GDPD5: variants seen among roughly 807,000 people sequenced by gnomAD.
GDPD5 encodes glycerophosphodiester phosphodiesterase 2.
A neutral mutation model predicts 75.1 loss-of-function variants in GDPD5; 48 were observed. The ratio of observed to expected loss-of-function variants is 0.64; its 90% CI spans 0.51 to 0.81. The LOEUF (loss-of-function observed/expected upper bound fraction) is 0.81, where lower values mean the gene tolerates loss of function less well. Among genes scored for constraint, GDPD5 ranks in the 40% least tolerant of loss-of-function variants. GDPD5 has a pLI of 0.00. For missense variants in GDPD5, 706 were observed against 822.6 expected (o/e 0.86, Z 1.73); for synonymous variants, 336 against 339.0 (o/e 0.99, Z 0.10).
chr11:75,448,862 T>TCC, intron 9 of GDPD5, 115 bp downstream of exon 9: 1 of 1,292,000 alleles, frequency 7.7e-7, no homozygotes, highest in South Asian at 1.8e-5. Flanking sequence ...CCCATGTACC[T>TCC]CCCCTCAAAA....
chr11:75,475,752 G>A (rs895168417), intron 3 of GDPD5, among the ~76,000 whole-genome samples: 1 of 152,164 alleles, frequency 6.6e-6, no homozygotes. Flanking sequence ...GCCACCCAGA[G>A]CTGCTGTAAA....
chr11:75,493,835 C>T (rs182194704), intron 1 of GDPD5, among the ~76,000 whole-genome samples: 1 of 152,282 alleles, frequency 6.6e-6, no homozygotes, highest in East Asian at 1.9e-4. Flanking sequence ...TTTCTTCCTG[C>T]TCCAATTTGT....
rs115439699 is a variant in GDPD5, at chr11:75,500,913, T to C, written c.-144-10593A>G. Among the ~76,000 whole-genome samples the C allele has an allele frequency of 6.1e-3, 932 of 152,208 alleles. 13 individuals are homozygous for C. Among genetic ancestry groups the C allele is most frequent in the African/African-American group, 0.022 (896 of 41,528 alleles). Reference sequence around the variant, plus strand: ...GTAGTCACCACTCAAACTCCTCCTGTAGGAAGCCCTCCCTGACTCTCCAGC... The same window carrying C: ...GTAGTCACCACTCAAACTCCTCCTGCAGGAAGCCCTCCCTGACTCTCCAGC... On this transcript the variant is annotated intron_variant, in intron 1 of 16. Coordinates refer to ENST00000336898, the MANE Select transcript of GDPD5 (RefSeq NM_030792.8).
intron 1 of GDPD5, among the ~76,000 whole-genome samples, chr11:75,505,796 C>T (rs1244579207): frequency 6.6e-6 from 1 of 152,216 alleles, no homozygotes; most frequent in Non-Finnish European, 1.5e-5. Context: ...TAATTCCTCC[C>T]TCAGTCCAGA....
chr11:75,467,751 C>G (rs1262813394), intron 3 of GDPD5, among the ~76,000 whole-genome samples: 2 of 152,016 alleles, frequency 1.3e-5, no homozygotes, highest in Non-Finnish European at 2.9e-5. Flanking sequence ...GATGGAGAAT[C>G]CTGGAGGCTC....
intron 1 of GDPD5, among the ~76,000 whole-genome samples, chr11:75,523,006 C>A (rs766348475): frequency 5.3e-5 from 8 of 152,162 alleles, no homozygotes; most frequent in Non-Finnish European, 8.8e-5. Flanking sequence ...ATTCAGGTCT[C>A]TGAGCCTGCC....
intron 1 of GDPD5, among the ~76,000 whole-genome samples, chr11:75,503,202 T>C (rs1950328903): frequency 1.3e-5 from 2 of 152,110 alleles, no homozygotes; most frequent in African/African-American, 4.8e-5. Context: ...GTATTTTTAA[T>C]AGAGATGGGG....
chr11:75,525,178 G>A (rs924390605), intron 1 of GDPD5, 32 bp downstream of exon 1: 1 of 152,542 alleles, frequency 6.6e-6, no homozygotes, highest in African/African-American at 2.4e-5. Flanking sequence ...TGGGGTCGGG[G>A]ACCGCTCCTG....
chr11:75,461,372 G>A (rs971764697), intron 4 of GDPD5, among the ~76,000 whole-genome samples: 6 of 152,162 alleles, frequency 3.9e-5, no homozygotes, highest in South Asian at 2.1e-4. Flanking sequence ...CCAGGGCTCC[G>A]GCTCATCTTG....
intron 1 of GDPD5, among the ~76,000 whole-genome samples, chr11:75,509,184 TG>T (rs1950464138): frequency 6.6e-6 from 1 of 152,008 alleles, no homozygotes; most frequent in South Asian, 2.1e-4. Flanking sequence ...AAGTTGGGTG[TG>T]GGGGGTGTTC....
chr11:75,510,383 C>G (rs1950489569), intron 1 of GDPD5, among the ~76,000 whole-genome samples: 1 of 152,244 alleles, frequency 6.6e-6, no homozygotes, highest in East Asian at 1.9e-4. Context: ...ACCCACTGGG[C>G]ACCAGCCAGG....
At chr11:75,493,186 C>A (rs1452054255) in intron 1 of GDPD5, among the ~76,000 whole-genome samples, 1 of 151,180 alleles carries the variant, frequency 6.6e-6, no homozygotes, top group Admixed American at 6.6e-5. Context: ...GAAGACCCAC[C>A]CCCCGAACAC....
At chr11:75,457,607 G>A in intron 5 of GDPD5, 86 bp downstream of exon 5, 1 of 1,032,100 alleles carries the variant, frequency 9.7e-7, no homozygotes, top group Non-Finnish European at 1.5e-6. Context: ...TTATACCAGG[G>A]TGGGACCCTC....
chr11:75,521,666 G>A (rs933748664), intron 1 of GDPD5, among the ~76,000 whole-genome samples: 2 of 152,224 alleles, frequency 1.3e-5, no homozygotes, highest in African/African-American at 4.8e-5. Flanking sequence ...GAATGTTAAA[G>A]ATTCAGAGGG....
chr11:75,482,655 C>T (rs1282611031), intron 2 of GDPD5, among the ~76,000 whole-genome samples: 1 of 152,236 alleles, frequency 6.6e-6, no homozygotes, highest in Non-Finnish European at 1.5e-5. Flanking sequence ...AACTTCCTAA[C>T]AGGCAGTGAC....
intron 2 of GDPD5, among the ~76,000 whole-genome samples, chr11:75,482,036 G>A (rs1949929717): frequency 1.3e-5 from 2 of 152,190 alleles, no homozygotes; most frequent in South Asian, 2.1e-4. Context: ...GTGGGAGCCC[G>A]CCCCAGGTTC....
chr11:75,520,070 A>G (rs1363610294), intron 1 of GDPD5, among the ~76,000 whole-genome samples: 2 of 152,192 alleles, frequency 1.3e-5, no homozygotes, highest in Admixed American at 6.5e-5. Flanking sequence ...CCAGGCCAAC[A>G]GCACCTGCTT....
At chr11:75,442,617 T>C in intron 11 of GDPD5, 36 bp from the exon 12 acceptor site, 3 of 1,593,500 alleles carry the variant, frequency 1.9e-6, no homozygotes, top group African/African-American at 2.7e-5. Flanking sequence ...GGCTGCATCA[T>C]CAGCCCTTTG....
chr11:75,477,984 A>G (rs2135372489), intron 2 of GDPD5, 189 bp from the exon 3 acceptor site: 2 of 353,276 alleles, frequency 5.7e-6, no homozygotes, highest in East Asian at 8.5e-5. Flanking sequence ...CCTCCCACCC[A>G]GGCCCTCATC....
Sources: gnomAD v4.1 joint callset for allele counts (sites outside exome capture counted in the v4.1 genomes callset) on GRCh38, gnomAD v4.1.1 for gene constraint, MANE v1.5 for transcripts, NCBI Gene and HGNC (gene_info 2026-07-23, HGNC 2026-07-21) for gene names.